Variants in BACH1 observed in about 807,000 individuals in gnomAD.
BACH1 encodes the protein BTB domain and CNC homolog 1.
In BACH1, 35 loss-of-function variants were observed where a neutral mutation model predicts 52.9. That is an observed-to-expected ratio of 0.66 (90% CI 0.51 to 0.88). The LOEUF (loss-of-function observed/expected upper bound fraction) is 0.88, where lower values mean the gene tolerates loss of function less well. Ranked by LOEUF, BACH1 falls within the 40% of genes least tolerant of loss-of-function variation. The probability of loss-of-function intolerance (pLI) is 0.00; values close to 1 mark genes in which losing one functional copy is unlikely to be tolerated. For synonymous variants in BACH1, 321 were observed against 319.6 expected (o/e 1.00, Z -0.05); for missense variants, 808 against 872.6 (o/e 0.93, Z 0.93).
At chr21:29,360,180 A>C (rs1251270264) in intron 2 of BACH1, among the ~76,000 whole-genome samples, 3 of 152,258 alleles carry the variant, frequency 2.0e-5, no homozygotes, top group Middle Eastern at 3.4e-3. Context: ...TCAAGCTAAA[A>C]TGTATAAAAC....
chr21:29,349,151 G>A (rs969296016), downstream of BACH1, among the ~76,000 whole-genome samples: 8 of 151,570 alleles, frequency 5.3e-5, no homozygotes, highest in African/African-American at 1.7e-4. Context: ...ATCAACTACA[G>A]ATGAACCACA....
chr21:29,320,107 A>AT (rs1240690637), intron 1 of BACH1, among the ~76,000 whole-genome samples: 5 of 152,002 alleles, frequency 3.3e-5, no homozygotes, highest in Admixed American at 3.3e-4. Flanking sequence ...TTCTCCTTTC[A>AT]TTTTTGTTTG....
intron 1 of BACH1, among the ~76,000 whole-genome samples, chr21:29,302,120 G>T (rs577433584): frequency 1.3e-5 from 2 of 152,294 alleles, no homozygotes; most frequent in East Asian, 3.9e-4. Flanking sequence ...CTAATGTTCT[G>T]TTAATGAGAG....
rs968728516 is a variant in BACH1, at chr21:29,316,789, G to A, written c.-60-4432G>A. 7.7e-4 allele frequency among the ~76,000 whole-genome samples: 118 copies of A among 152,338 alleles called. 1 individual carries two copies. The highest frequency in any genetic ancestry group is 2.7e-3 in the African/African-American group (113 of 41,572). On this transcript the variant is annotated intron_variant, in intron 1 of 4. Coordinates refer to ENST00000286800, the MANE Select transcript of BACH1 (RefSeq NM_001186.4). ...ATATTGGCCATGTTTATAGTTGCCAGTCCTTGCTCTTTTTTGGCCTGTTGT... is the reference window on the plus strand; with the variant it reads ...ATATTGGCCATGTTTATAGTTGCCAATCCTTGCTCTTTTTTGGCCTGTTGT...
chr21:29,336,181 CT>C (rs1490405442), intron 4 of BACH1, among the ~76,000 whole-genome samples: 1 of 152,122 alleles, frequency 6.6e-6, no homozygotes, highest in Admixed American at 6.6e-5. Flanking sequence ...ATGACAATAA[CT>C]TTTTGAAGTA....
At chr21:29,357,713 A>G (rs1183349990) in intron 2 of BACH1, among the ~76,000 whole-genome samples, 1 of 152,224 alleles carries the variant, frequency 6.6e-6, no homozygotes, top group African/African-American at 2.4e-5. Flanking sequence ...GGGTTGCCCC[A>G]TGAGTCTGAG....
At chr21:29,313,658 A>T (rs1387074314) in intron 1 of BACH1, among the ~76,000 whole-genome samples, 1 of 152,198 alleles carries the variant, frequency 6.6e-6, no homozygotes, top group Non-Finnish European at 1.5e-5. Context: ...ACATGAATGA[A>T]CCTCAGAAAC....
At chr21:29,358,806 G>GAAAGAAAGAAAGAAAA (rs1292241824) in intron 2 of BACH1, among the ~76,000 whole-genome samples, 6 of 130,568 alleles carry the variant, frequency 4.6e-5, no homozygotes, top group African/African-American at 1.5e-4. Flanking sequence ...AAGAAAGAAA[G>GAAAGAAAGAAAGAAAA]AAAGAAAGAA....
At chr21:29,350,632 C>T (rs568589519), downstream of BACH1, among the ~76,000 whole-genome samples, 13 of 152,282 alleles carry the variant, frequency 8.5e-5, 1 homozygote, top group South Asian at 1.7e-3. Context: ...TATTTGGAGA[C>T]GGGCACATCC....
At chr21:29,336,570 C>G (rs369811220) in intron 4 of BACH1, among the ~76,000 whole-genome samples, 2 of 152,194 alleles carry the variant, frequency 1.3e-5, no homozygotes, top group East Asian at 1.9e-4. Flanking sequence ...ACCATGATTA[C>G]AAAATCATGA....
intron 2 of BACH1, among the ~76,000 whole-genome samples, chr21:29,355,619 G>A (rs1385969474): frequency 2.0e-5 from 3 of 152,222 alleles, no homozygotes; most frequent in Non-Finnish European, 2.9e-5. Context: ...CCAGCGGGTC[G>A]GTCCAGGGGT....
At chr21:29,309,999 T>G (rs1160964910) in intron 1 of BACH1, among the ~76,000 whole-genome samples, 1 of 152,226 alleles carries the variant, frequency 6.6e-6, no homozygotes, top group African/African-American at 2.4e-5. Flanking sequence ...CATTTTCCTA[T>G]AGCAGGGTTC....
chr21:29,303,962 T>C (rs1432378317), intron 1 of BACH1, among the ~76,000 whole-genome samples: 2 of 152,206 alleles, frequency 1.3e-5, no homozygotes, highest in African/African-American at 4.8e-5. Context: ...AGCTGGTTCC[T>C]TCTCAGTACG....
chr21:29,304,271 C>T (rs915943426), intron 1 of BACH1, among the ~76,000 whole-genome samples: 2 of 151,856 alleles, frequency 1.3e-5, no homozygotes, highest in African/African-American at 4.8e-5. Context: ...AATTATGGGG[C>T]ACCCCCCACC....
In BACH1 at chr21:29,344,230, G is replaced by T. The variant is rs1229589116; in HGVS notation, c.*1397G>T. On this transcript the variant is annotated 3_prime_UTR_variant, in exon 5 of 5. Coordinates refer to ENST00000286800, the MANE Select transcript of BACH1 (RefSeq NM_001186.4). ...GGCAGAACCCAGTTTTAATGGTACA[G>T]AGGAGTAGTTTATAGTGTTGATTTC... 6.6e-6 allele frequency: 1 copy of T among 152,566 alleles called. No homozygotes were observed. Among genetic ancestry groups the T allele is most frequent in the Non-Finnish European group, 1.5e-5 (1 of 68,034 alleles). The allele number at this position is 152,566 out of a possible 1,614,324, so 9.5% of individuals were successfully genotyped here.
chr21:29,354,704 C>T (rs1312026020), intron 2 of BACH1, among the ~76,000 whole-genome samples: 2 of 152,176 alleles, frequency 1.3e-5, no homozygotes, highest in African/African-American at 2.4e-5. Context: ...GTGTTAAATT[C>T]AGTGATGAGT....
intron 4 of BACH1, among the ~76,000 whole-genome samples, chr21:29,333,283 C>T (rs2089006193): frequency 6.6e-6 from 1 of 152,116 alleles, no homozygotes; most frequent in Non-Finnish European, 1.5e-5. Flanking sequence ...CTTTTGTAAA[C>T]AGAAAACTAG....
intron 4 of BACH1, among the ~76,000 whole-genome samples, chr21:29,332,576 A>G (rs776816967): frequency 2.0e-5 from 3 of 152,208 alleles, no homozygotes; most frequent in Non-Finnish European, 4.4e-5. Context: ...GCCAGGCCTC[A>G]TAAATAACAG....
At chr21:29,314,548 A>G (rs2088764573) in intron 1 of BACH1, among the ~76,000 whole-genome samples, 1 of 152,202 alleles carries the variant, frequency 6.6e-6, no homozygotes, top group African/African-American at 2.4e-5. Flanking sequence ...GGGACCTCAC[A>G]TGATGTTGTA....
Sources: gnomAD v4.1 joint callset for allele counts (sites outside exome capture counted in the v4.1 genomes callset) on GRCh38, gnomAD v4.1.1 for gene constraint, MANE v1.5 for transcripts, NCBI Gene and HGNC (gene_info 2026-07-23, HGNC 2026-07-21) for gene names.